DCDC1: variants seen among roughly 807,000 people sequenced by gnomAD.
The protein encoded by DCDC1 is doublecortin domain containing 1, also known as doublecortin domain-containing protein 1.
Under a neutral mutation model 178.3 loss-of-function variants are expected in DCDC1, and 200 were observed. The observed-to-expected ratio is 1.12, with a 90% confidence interval of 1.00 to 1.26. The LOEUF is 1.26. Ranked by LOEUF, DCDC1 falls within the 50% of genes most tolerant of loss-of-function variation. The pLI, the probability that DCDC1 is intolerant of heterozygous loss-of-function variation, is 0.00. For missense variants in DCDC1, 1,983 were observed against 1,749.2 expected (o/e 1.13, Z -2.38); for synonymous variants, 690 against 604.8 (o/e 1.14, Z -2.07).
intron 8 of DCDC1, 37 bp from the exon 9 acceptor site, chr11:31,241,653 C>T (rs1977146819): frequency 2.5e-6 from 1 of 395,636 alleles, no homozygotes; most frequent in Non-Finnish European, 4.5e-6. Context: ...TTCTTTTGAC[C>T]CAACCCAACC....
intron 8 of DCDC1, among the ~76,000 whole-genome samples, chr11:31,252,793 T>C (rs12222329): frequency 0.3 from 45,068 of 151,842 alleles, 8,127 homozygotes; most frequent in East Asian, 0.63. Flanking sequence ...TTTAAAAGAA[T>C]AGATTTCTGT....
intron 1 of DCDC1, among the ~76,000 whole-genome samples, chr11:31,360,360 G>A (rs1951644644): frequency 6.6e-6 from 1 of 152,112 alleles, no homozygotes; most frequent in African/African-American, 2.4e-5. Context: ...GTCAAGTACA[G>A]TATTTCTTCC....
chr11:31,193,864 T>C (rs139494396), intron 9 of DCDC1, among the ~76,000 whole-genome samples: 1 of 152,194 alleles, frequency 6.6e-6, no homozygotes, highest in African/African-American at 2.4e-5. Flanking sequence ...AGTTTATGGT[T>C]CCAGAACAAA....
intron 28 of DCDC1, among the ~76,000 whole-genome samples, chr11:30,909,564 T>TA (rs918813394): frequency 2.6e-4 from 39 of 152,018 alleles, no homozygotes; most frequent in Non-Finnish European, 4.0e-4. Flanking sequence ...GAGTTGCCAA[T>TA]AAAAAAATCA....
chr11:31,247,221 A>G (rs1479648672), intron 8 of DCDC1, among the ~76,000 whole-genome samples: 1 of 151,978 alleles, frequency 6.6e-6, no homozygotes. Flanking sequence ...ATTAAGGCTT[A>G]GGAGGTATGA....
At chr11:31,353,016 T>A in intron 1 of DCDC1, among the ~76,000 whole-genome samples, 1 of 152,222 alleles carries the variant, frequency 6.6e-6, no homozygotes, top group East Asian at 1.9e-4. Flanking sequence ...ATAACACATA[T>A]ACAAGTGTGC....
chr11:30,891,911 C>T (rs1021806595), intron 36 of DCDC1, among the ~76,000 whole-genome samples: 2 of 152,172 alleles, frequency 1.3e-5, no homozygotes, highest in Non-Finnish European at 2.9e-5. Flanking sequence ...GCAGAACCAT[C>T]TCAGGTGGCC....
intron 21 of DCDC1, among the ~76,000 whole-genome samples, chr11:30,940,950 C>T (rs1947599701): frequency 6.6e-6 from 1 of 152,074 alleles, no homozygotes; most frequent in South Asian, 2.1e-4. Flanking sequence ...CTAAATGTTT[C>T]CTTTTTAAAA....
intron 22 of DCDC1, among the ~76,000 whole-genome samples, chr11:30,928,054 GC>G (rs1275128051): frequency 6.6e-6 from 1 of 152,064 alleles, no homozygotes; most frequent in East Asian, 1.9e-4. Context: ...TGGAGATGAG[GC>G]CTAATGAGAG....
intron 9 of DCDC1, among the ~76,000 whole-genome samples, chr11:31,160,416 T>A (rs977231105): frequency 6.6e-6 from 1 of 152,234 alleles, no homozygotes; most frequent in African/African-American, 2.4e-5. Context: ...AAATGTTACA[T>A]GCTTCAGCAG....
chr11:31,272,111 G>A lies in DCDC1; in HGVS notation c.961-6511C>T, dbSNP rs569649361. On this transcript the variant is annotated intron_variant, in intron 7 of 38. Coordinates refer to ENST00000684477, the MANE Select transcript of DCDC1 (RefSeq NM_001387274.1). ...CAGCAGGCGGAGGCTGCAGTGAGCC[G>A]AGATCGTGCCATTGCACTCCAGCCT... Among the ~76,000 whole-genome samples, 38 of 150,960 alleles carry A rather than the reference G, an allele frequency of 2.5e-4. No homozygotes were observed. In the East Asian group the frequency reaches 6.5e-3, roughly 26 times the overall value.
At position 30,952,465 on chromosome 11, in the gene DCDC1, G is replaced by A; in HGVS notation, c.2695C>T (p.Pro899Ser). 2 of 1,573,786 alleles carry A rather than the reference G, an allele frequency of 1.3e-6. No individual in the cohort carries two copies. Among genetic ancestry groups the A allele is most frequent in the Non-Finnish European group, 1.7e-6 (2 of 1,162,960 alleles). Residue 899 changes from proline (P) to serine (S), a missense_variant, in exon 21 of 39, where the codon CCC becomes TCC. By Grantham distance (74) the Pro-to-Ser change is moderately conservative. Transcript: ENST00000684477. ...ACAACCTCATTAAGTTGGCCACTGG[G>A]AAGGACAGGCCACATGTAGGTAAGC... is the stretch of plus-strand genomic sequence containing the variant. ...NKLTYMWPVL[P>S]SGQLNEEFDW...
intron 7 of DCDC1, among the ~76,000 whole-genome samples, chr11:31,266,789 T>C (rs1945197046): frequency 1.3e-5 from 2 of 152,222 alleles, no homozygotes; most frequent in African/African-American, 4.8e-5. Flanking sequence ...TGACAATGTA[T>C]GTATTTCAAT....
chr11:31,360,829 G>C (rs1293296724), intron 1 of DCDC1, among the ~76,000 whole-genome samples: 1 of 152,120 alleles, frequency 6.6e-6, no homozygotes, highest in East Asian at 1.9e-4. Context: ...AGGGGATTTG[G>C]AATCATCATT....
At chr11:31,223,922 C>G (rs977988176) in intron 9 of DCDC1, among the ~76,000 whole-genome samples, 1 of 151,990 alleles carries the variant, frequency 6.6e-6, no homozygotes, top group Non-Finnish European at 1.5e-5. Flanking sequence ...CTCCAAGATA[C>G]AATCCCACAT....
Position 31,009,438 on chromosome 11 carries a change from T to G in DCDC1, c.2591+55031A>C, listed in dbSNP as rs941929446. 5.5e-5 allele frequency among the ~76,000 whole-genome samples: 8 copies of G among 144,422 alleles called. No individual in the cohort carries two copies. The Admixed American group carries it at 5.6e-4, about 10-fold the overall frequency. 94.7% of individuals were successfully genotyped at this position (144,422 alleles called of 152,430 possible). ...ACACAATTATTGTCTCACAGTTTCTTTGTGTGTGTGTGTGTGTGTGTGTGT... is the reference window on the plus strand; with the variant it reads ...ACACAATTATTGTCTCACAGTTTCTGTGTGTGTGTGTGTGTGTGTGTGTGT... On this transcript the variant is annotated intron_variant, in intron 20 of 38. Coordinates refer to ENST00000684477, the MANE Select transcript of DCDC1 (RefSeq NM_001387274.1).
intron 36 of DCDC1, among the ~76,000 whole-genome samples, chr11:30,890,315 A>T (rs1943662630): frequency 6.6e-6 from 1 of 152,198 alleles, no homozygotes; most frequent in Admixed American, 6.5e-5. Flanking sequence ...TTCTCTGTCC[A>T]TGGGGCACCT....
intron 34 of DCDC1, among the ~76,000 whole-genome samples, chr11:30,897,605 A>T (rs61880700): frequency 6.7e-6 from 1 of 149,638 alleles, no homozygotes; most frequent in Admixed American, 6.7e-5. Context: ...AAAAAAAAAA[A>T]TTGAATACTT....
intron 1 of DCDC1, among the ~76,000 whole-genome samples, chr11:31,358,685 C>G (rs1951532674): frequency 6.6e-6 from 1 of 152,164 alleles, no homozygotes; most frequent in Non-Finnish European, 1.5e-5. Context: ...TTGCAACCTA[C>G]TCATCTGACA....
Sources: allele counts gnomAD v4.1 joint callset (sites outside exome capture counted in the v4.1 genomes callset), GRCh38; gene constraint gnomAD v4.1.1; transcripts MANE v1.5; gene names NCBI Gene and HGNC (gene_info 2026-07-23, HGNC 2026-07-21).